Variants in USP14 observed in about 807,000 individuals in gnomAD.
USP14 encodes ubiquitin specific peptidase 14.
Under a neutral mutation model 76.5 loss-of-function variants are expected in USP14, and 38 were observed. The ratio of observed to expected loss-of-function variants is 0.50; its 90% CI spans 0.38 to 0.65. The LOEUF is 0.65. USP14 is among the 30% of genes least tolerant of loss of function. The pLI is 0.00. For missense variants in USP14, 467 were observed against 586.5 expected (o/e 0.80, Z 2.10); for synonymous variants, 192 against 191.7 (o/e 1.00, Z -0.01).
intron 2 of USP14, among the ~76,000 whole-genome samples, chr18:163,860 C>T (rs1446936516): frequency 6.6e-6 from 1 of 151,562 alleles, no homozygotes; most frequent in Non-Finnish European, 1.5e-5. Context: ...CCACTCTCCA[C>T]CCTCAAGTAA....
intron 1 of USP14, among the ~76,000 whole-genome samples, chr18:159,373 C>G (rs112760914): frequency 6.6e-6 from 1 of 152,108 alleles, no homozygotes; most frequent in Non-Finnish European, 1.5e-5. Context: ...TCTTGATTGG[C>G]GTTTGACAGG....
chr18:183,831 G>A (rs1909853780), intron 5 of USP14, among the ~76,000 whole-genome samples: 1 of 151,318 alleles, frequency 6.6e-6, no homozygotes, highest in Non-Finnish European at 1.5e-5. Flanking sequence ...TTTGTTTAAA[G>A]GTTGTGTGCT....
intron 3 of USP14, among the ~76,000 whole-genome samples, chr18:175,422 T>C (rs1598267648): frequency 6.6e-6 from 1 of 152,202 alleles, no homozygotes; most frequent in East Asian, 1.9e-4. Flanking sequence ...AGGAACTCTT[T>C]CTAGTTTGCT....
chr18:202,409 C>T (rs914721657), intron 10 of USP14, among the ~76,000 whole-genome samples: 6 of 152,150 alleles, frequency 3.9e-5, no homozygotes, highest in Non-Finnish European at 5.9e-5. Flanking sequence ...GTTAGGTTAA[C>T]AGAGGTTTCT....
intron 5 of USP14, among the ~76,000 whole-genome samples, chr18:183,142 T>A (rs1909830550): frequency 6.6e-6 from 1 of 152,212 alleles, no homozygotes; most frequent in African/African-American, 2.4e-5. Context: ...TATTTTACCC[T>A]TTCCTCTTAT....
At chr18:188,867 C>A (rs1257221371) in intron 5 of USP14, among the ~76,000 whole-genome samples, 1 of 152,070 alleles carries the variant, frequency 6.6e-6, no homozygotes, top group African/African-American at 2.4e-5. Context: ...TTAGTAGAGA[C>A]GTGGTTTCAC....
intron 13 of USP14, among the ~76,000 whole-genome samples, chr18:205,590 G>A (rs1567836738): frequency 6.6e-6 from 1 of 152,068 alleles, no homozygotes; most frequent in South Asian, 2.1e-4. Flanking sequence ...CCTGGGCAAC[G>A]TAGTGAAACC....
chr18:191,311 A>G (rs1265383144), intron 5 of USP14, among the ~76,000 whole-genome samples: 1 of 152,182 alleles, frequency 6.6e-6, no homozygotes, highest in Non-Finnish European at 1.5e-5. Flanking sequence ...GATGCAAACA[A>G]ATGAAAAAGG....
chr18:209,862 G>T, intron 13 of USP14, 109 bp from the exon 14 acceptor site: 1 of 750,074 alleles, frequency 1.3e-6, no homozygotes, highest in Non-Finnish European at 2.1e-6. Flanking sequence ...ACTGTATTTT[G>T]TCTCTGTGCA....
intron 1 of USP14, 26 bp downstream of exon 1, chr18:158,740 C>T: frequency 6.7e-7 from 1 of 1,487,474 alleles, no homozygotes; most frequent in Non-Finnish European, 8.9e-7. Context: ...GCCTCGCGCG[C>T]AGCACACCGG....
chr18:210,121 T>G, intron 14 of USP14, 90 bp downstream of exon 14: 2 of 1,092,498 alleles, frequency 1.8e-6, no homozygotes, highest in Non-Finnish European at 2.7e-6. Context: ...CTTATTCTGA[T>G]GTGCTTTTCA....
intron 6 of USP14, chr18:196,391 G>A: frequency 7.2e-6 from 2 of 279,436 alleles, no homozygotes; most frequent in Non-Finnish European, 6.7e-6. Context: ...GGGAATGGTG[G>A]CGTGTGCCTG....
intron 3 of USP14, among the ~76,000 whole-genome samples, chr18:174,239 A>G (rs1909558889): frequency 6.7e-6 from 1 of 150,318 alleles, no homozygotes; most frequent in African/African-American, 2.4e-5. Flanking sequence ...TTTGTTCCAC[A>G]TATTGTTAAG....
chr18:194,329 CTT>C (rs1910171670), intron 6 of USP14, among the ~76,000 whole-genome samples: 1 of 152,154 alleles, frequency 6.6e-6, no homozygotes, highest in African/African-American at 2.4e-5. Context: ...CTTAGAATAA[CTT>C]AGAATTTCAG....
At chr18:179,376 A>G (rs576012313) in intron 4 of USP14, among the ~76,000 whole-genome samples, 10 of 152,180 alleles carry the variant, frequency 6.6e-5, no homozygotes, top group African/African-American at 2.2e-4. Context: ...AGTATTTACT[A>G]TTACTATTTT....
At chr18:168,934 G>A (rs548588854) in intron 3 of USP14, among the ~76,000 whole-genome samples, 5 of 151,596 alleles carry the variant, frequency 3.3e-5, no homozygotes, top group African/African-American at 1.2e-4. Context: ...ACAATTAGCC[G>A]TGCATGGTGG....
intron 4 of USP14, among the ~76,000 whole-genome samples, chr18:179,751 C>T (rs974396883): frequency 6.7e-6 from 1 of 148,368 alleles, no homozygotes; most frequent in African/African-American, 2.5e-5. Context: ...TCATGCCCAG[C>T]AAATAAAAAA....
Position 211,172 on chromosome 18 carries a change from T to A in USP14, c.1373T>A (p.Val458Glu). Reference sequence around the variant, plus strand: ...TTTGATGATGACAAAGTCAGCATCGTAACACCAGAAGATATCTTACGGCTT... The same window carrying A: ...TTTGATGATGACAAAGTCAGCATCGAAACACCAGAAGATATCTTACGGCTT... ...IKFDDDKVSI[V>E]TPEDILRLSG... The change falls in exon 16 of 16, where the codon GTA (valine) becomes GAA (glutamate). Residue 458 changes from valine (V) to glutamate (E), a missense_variant. Coordinates refer to ENST00000261601, the MANE Select transcript of USP14 (RefSeq NM_005151.4). The A allele has an allele frequency of 6.2e-7, 1 of 1,613,994 alleles. No individual in the cohort carries two copies. Among genetic ancestry groups the A allele is most frequent in the Non-Finnish European group, 8.5e-7 (1 of 1,179,888 alleles).
At position 213,997 on chromosome 18, in the gene USP14, A is replaced by AGAT. The variant is rs764577935; in HGVS notation, c.*2720_*2722dup. The AGAT allele has an allele frequency of 4.0e-5, 6 of 149,794 alleles. No homozygotes were observed. The highest frequency in any genetic ancestry group is 1.2e-4 in the African/African-American group (5 of 41,062). 9.3% of individuals were successfully genotyped at this position (149,794 alleles called of 1,614,324 possible). ...AGATTAGATAGATAGATAGATAGAT[A>AGAT]GATGATGATTGATTGATGATTGATA... On this transcript the variant is annotated 3_prime_UTR_variant, in exon 16 of 16. Coordinates refer to ENST00000261601, the MANE Select transcript of USP14 (RefSeq NM_005151.4).
Sources: gnomAD v4.1 joint callset for allele counts (sites outside exome capture counted in the v4.1 genomes callset) on GRCh38, gnomAD v4.1.1 for gene constraint, MANE v1.5 for transcripts, NCBI Gene and HGNC (gene_info 2026-07-23, HGNC 2026-07-21) for gene names.